SNTG1: variants seen among roughly 807,000 people sequenced by gnomAD.
The protein encoded by SNTG1 is gamma-1-syntrophin.
A neutral mutation model predicts 74.7 loss-of-function variants in SNTG1; 39 were observed. The ratio of observed to expected loss-of-function variants is 0.52; its 90% confidence interval spans 0.40 to 0.68. SNTG1 has a LOEUF of 0.68. Ranked by LOEUF, SNTG1 falls within the 30% of genes least tolerant of loss-of-function variation. SNTG1 has a pLI of 0.00. For synonymous variants in SNTG1, 254 were observed against 217.1 expected (o/e 1.17, Z -1.49); for missense variants, 685 against 609.5 (o/e 1.12, Z -1.30).
At chr8:50,643,151 A>AATGCATTT (rs1257606729) in intron 13 of SNTG1, among the ~76,000 whole-genome samples, 1 of 152,236 alleles carries the variant, frequency 6.6e-6, no homozygotes, top group Non-Finnish European at 1.5e-5. Context: ...TCAGATAAAG[A>AATGCATTT]ATGCATTTTA....
intron 2 of SNTG1, among the ~76,000 whole-genome samples, chr8:50,390,616 G>A (rs1308911179): frequency 6.6e-6 from 1 of 152,138 alleles, no homozygotes; most frequent in African/African-American, 2.4e-5. Flanking sequence ...GAAATTCATT[G>A]GTAGCTTGAT....
intron 2 of SNTG1, among the ~76,000 whole-genome samples, chr8:50,293,584 A>T (rs1156314499): frequency 1.3e-5 from 2 of 151,778 alleles, no homozygotes; most frequent in Non-Finnish European, 2.9e-5. Context: ...TAATTTTTGT[A>T]ATTTTAGTAG....
chr8:50,078,310 A>C (rs943020598), intron 1 of SNTG1, among the ~76,000 whole-genome samples: 1 of 152,160 alleles, frequency 6.6e-6, no homozygotes, highest in Admixed American at 6.5e-5. Context: ...ATGATAAATG[A>C]CAGTTAGGCT....
At chr8:50,510,025 C>A (rs1000217319) in intron 9 of SNTG1, among the ~76,000 whole-genome samples, 2 of 152,160 alleles carry the variant, frequency 1.3e-5, no homozygotes, top group African/African-American at 4.8e-5. Flanking sequence ...AGTTTTTGCT[C>A]ATTCAGTAGA....
intron 2 of SNTG1, among the ~76,000 whole-genome samples, chr8:50,209,373 T>C (rs967212592): frequency 1.3e-5 from 2 of 152,142 alleles, no homozygotes; most frequent in South Asian, 4.1e-4. Context: ...AAGAAAGTAG[T>C]GGTTCTCCGA....
chr8:49,996,869 A>T (rs939355136), intron 1 of SNTG1, among the ~76,000 whole-genome samples: 1 of 152,164 alleles, frequency 6.6e-6, no homozygotes, highest in African/African-American at 2.4e-5. Context: ...AGATTGTGGC[A>T]ATCCTGGAAT....
At position 50,247,532 on chromosome 8, in the gene SNTG1, C is replaced by A. The variant is rs184237002; in HGVS notation, c.-28+74897C>A. 6.6e-4 allele frequency among the ~76,000 whole-genome samples: 100 copies of A among 152,184 alleles called. No homozygotes were observed. In the East Asian group the frequency reaches 0.016, roughly 25 times the overall value. On this transcript the variant is annotated intron_variant, in intron 2 of 18. Transcript: ENST00000642720. ...GAATAGATTAAAAAAATTTTAGAGA[C>A]AAATACTCTGTCACCCAGGCTGCAG... is the stretch of plus-strand genomic sequence containing the variant.
intron 1 of SNTG1, among the ~76,000 whole-genome samples, chr8:50,120,215 A>T (rs929786105): frequency 7.1e-6 from 1 of 141,342 alleles, no homozygotes; most frequent in Non-Finnish European, 1.6e-5. Flanking sequence ...CACTCTGAAT[A>T]ATGCCTGACC....
chr8:50,510,830 C>T (rs146138091), intron 9 of SNTG1, among the ~76,000 whole-genome samples: 8,806 of 151,708 alleles, frequency 0.058, 363 homozygotes, highest in South Asian at 0.18. Context: ...GTCTTGCTAG[C>T]GGTCTATCAA....
intron 4 of SNTG1, among the ~76,000 whole-genome samples, chr8:50,414,141 C>CT (rs1177280656): frequency 6.6e-6 from 1 of 152,100 alleles, no homozygotes; most frequent in East Asian, 1.9e-4. Context: ...GGCTCATGGT[C>CT]TTGGCACTCT....
chr8:49,937,777 T>A (rs569484282), intron 1 of SNTG1, among the ~76,000 whole-genome samples: 1 of 152,216 alleles, frequency 6.6e-6, no homozygotes, highest in Non-Finnish European at 1.5e-5. Flanking sequence ...CTTTTCAGAC[T>A]GTGATTTTAC....
At chr8:49,998,387 A>G (rs1352756061) in intron 1 of SNTG1, among the ~76,000 whole-genome samples, 2 of 152,144 alleles carry the variant, frequency 1.3e-5, no homozygotes, top group Admixed American at 6.5e-5. Flanking sequence ...TCTTTCTTCA[A>G]TAATAAACCT....
At chr8:50,083,614 A>G (rs1299522182) in intron 1 of SNTG1, among the ~76,000 whole-genome samples, 1 of 152,234 alleles carries the variant, frequency 6.6e-6, no homozygotes, top group Non-Finnish European at 1.5e-5. Context: ...GAATTCTGTT[A>G]ATCAGAAATA....
At chr8:50,356,830 T>C (rs1274025597) in intron 2 of SNTG1, among the ~76,000 whole-genome samples, 2 of 152,154 alleles carry the variant, frequency 1.3e-5, no homozygotes, top group South Asian at 2.1e-4. Flanking sequence ...TGATTCTTTA[T>C]CTTCATAATG....
chr8:50,281,423 C>T (rs1247048978), intron 2 of SNTG1, among the ~76,000 whole-genome samples: 1 of 152,122 alleles, frequency 6.6e-6, no homozygotes, highest in Non-Finnish European at 1.5e-5. Flanking sequence ...GTTTACATAA[C>T]AATACATTCA....
chr8:50,112,450 CTAGT>C (rs1265364367), intron 1 of SNTG1, among the ~76,000 whole-genome samples: 1 of 148,396 alleles, frequency 6.7e-6, no homozygotes, highest in African/African-American at 2.5e-5. Context: ...AATTAAAAAA[CTAGT>C]TAATAAAATC....
At chr8:50,777,282 C>G (rs919584311) in intron 18 of SNTG1, among the ~76,000 whole-genome samples, 1 of 147,182 alleles carries the variant, frequency 6.8e-6, no homozygotes, top group African/African-American at 2.5e-5. Context: ...TCTCACAGTT[C>G]ACTGAATAGT....
intron 5 of SNTG1, among the ~76,000 whole-genome samples, chr8:50,445,169 G>A (rs892312074): frequency 2.0e-5 from 3 of 152,074 alleles, no homozygotes; most frequent in Non-Finnish European, 2.9e-5. Flanking sequence ...AAAATCAAAC[G>A]AAGTATGTTG....
intron 15 of SNTG1, among the ~76,000 whole-genome samples, chr8:50,702,134 G>A (rs1185160662): frequency 6.6e-6 from 1 of 151,996 alleles, no homozygotes; most frequent in East Asian, 1.9e-4. Flanking sequence ...TTACTGACAT[G>A]AGCCACTGCG....
Sources: allele counts gnomAD v4.1 joint callset (sites outside exome capture counted in the v4.1 genomes callset), GRCh38; gene constraint gnomAD v4.1.1; transcripts MANE v1.5; gene names NCBI Gene and HGNC (gene_info 2026-07-23, HGNC 2026-07-21).